SNX19: variants seen among roughly 807,000 people sequenced by gnomAD.
The protein encoded by SNX19 is sorting nexin 19.
A neutral mutation model predicts 85.2 loss-of-function variants in SNX19; 60 were observed. The ratio of observed to expected loss-of-function variants is 0.70; its 90% CI spans 0.57 to 0.87. SNX19 has a LOEUF of 0.87. Among genes scored for constraint, SNX19 ranks in the 40% least tolerant of loss-of-function variants. The pLI, the probability that SNX19 is intolerant of heterozygous loss-of-function variation, is 0.00. For missense variants in SNX19, 1,201 were observed against 1,217.8 expected (o/e 0.99, Z 0.21); for synonymous variants, 520 against 470.0 (o/e 1.11, Z -1.38).
chr11:130,915,079 C>A lies in SNX19; in HGVS notation c.861G>T (p.Val287=). Residue 287 remains valine, a synonymous_variant, in exon 1 of 11, where the codon GTG becomes GTT. Coordinates refer to ENST00000265909, the MANE Select transcript of SNX19 (RefSeq NM_014758.3). ...CPASAPEQPS[V]PTSLPLIAEV... ...CAGCAATCAGTGGCAGAGATGTCGG[C>A]ACTGAGGGCTGTTCGGGGGCACTGG... 6.2e-7 allele frequency: 1 copy of A among 1,613,952 alleles called. No individual in the cohort carries two copies. The highest frequency in any genetic ancestry group is 8.5e-7 in the Non-Finnish European group (1 of 1,179,926).
At position 130,879,154 on chromosome 11, in the gene SNX19, A is replaced by T. The variant is rs1943467869; in HGVS notation, c.2846+470T>A. Among the ~76,000 whole-genome samples, 3 of 152,240 alleles carry T rather than the reference A, an allele frequency of 2.0e-5. 1 individual carries two copies. The highest frequency in any genetic ancestry group is 4.1e-4 in the South Asian group (2 of 4,836). On this transcript the variant is annotated intron_variant, in intron 10 of 10. Coordinates refer to ENST00000265909, the MANE Select transcript of SNX19 (RefSeq NM_014758.3). ...CTTGTCTACCTGATATGAAGCAAAG[A>T]CAACTCCTGGTCTTGACATGAATCA...
At chr11:130,910,432 T>C (rs1440480945) in intron 2 of SNX19, 62 bp from the exon 3 acceptor site, 2 of 1,162,894 alleles carry the variant, frequency 1.7e-6, no homozygotes, top group African/African-American at 1.6e-5. Flanking sequence ...AGCTATTCCA[T>C]ATAAAACATA....
chr11:130,911,621 G>A lies in SNX19; in HGVS notation c.1813+12C>T. The A allele has an allele frequency of 1.9e-6, 3 of 1,613,974 alleles. No homozygotes were observed. The highest frequency in any genetic ancestry group is 2.5e-6 in the Non-Finnish European group (3 of 1,179,946). On this transcript the variant is annotated intron_variant, in intron 2 of 10. Transcript: ENST00000265909. The stretch of plus-strand genomic sequence containing the variant: ...AAGCAAGCGGGCAGTAGGGGTTGGG[G>A]AAACTCCTGACTTTTGATGAACTTT...
rs1483539480 is a variant in SNX19 at position 130,911,767 on chromosome 11, T to C, written c.1679A>G (p.Glu560Gly). The C allele has an allele frequency of 1.9e-6, 3 of 1,613,850 alleles. No individual in the cohort carries two copies. The highest frequency in any genetic ancestry group is 2.5e-6 in the Non-Finnish European group (3 of 1,179,944). ...HPYTLYTVKY[E>G]TALDGENSSG... Reference sequence around the variant, plus strand: ...GCTGTTTTCACCGTCAAGGGCTGTCTCGTACTGTTCAACGAACAAATTGAT... The same window carrying C: ...GCTGTTTTCACCGTCAAGGGCTGTCCCGTACTGTTCAACGAACAAATTGAT... Residue 560 changes from glutamate (E) to glycine (G), a missense_variant, in exon 2 of 11, where the codon GAG (glutamate) becomes GGG (glycine). This residue lies in a region of SNX19 where 791 missense variants were observed against 750.9 expected (regional missense o/e 1.05). Transcript: ENST00000265909.
chr11:130,871,658 G>A lies in SNX19; in HGVS notation c.*6764C>T, dbSNP rs909250479. Among the ~76,000 whole-genome samples, 1 of 152,112 alleles carries A rather than the reference G, an allele frequency of 6.6e-6. No homozygotes were observed. The highest frequency in any genetic ancestry group is 1.9e-4 in the East Asian group (1 of 5,190). ...GTATAAACAAGCCATTGCTTCTGTCGACATTTGAGTCCTTTTGTCTGCAAT... is the reference window on the plus strand; with the variant it reads ...GTATAAACAAGCCATTGCTTCTGTCAACATTTGAGTCCTTTTGTCTGCAAT... On this transcript the variant is annotated 3_prime_UTR_variant, in exon 11 of 11. Transcript: ENST00000265909.
At position 130,914,936 on chromosome 11, in the gene SNX19, G is replaced by A. The variant is rs1555146448; in HGVS notation, c.1004C>T (p.Ala335Val). ...CATCCCACCCAAATCTCCCTCTACA[G>A]CTTCGTGGCCTTCTTCAACCTCTGG... ...PSPEVEEGHE[A>V]VEGDLGGMCE... Residue 335 changes from alanine to valine, a missense_variant, in exon 1 of 11, where the codon GCT becomes GTT. By Grantham distance (64) the Ala-to-Val change is moderately conservative. Coordinates refer to ENST00000265909, the MANE Select transcript of SNX19 (RefSeq NM_014758.3). The A allele has an allele frequency of 1.9e-6, 3 of 1,614,134 alleles. No individual in the cohort carries two copies. The highest frequency in any genetic ancestry group is 1.1e-5 in the South Asian group (1 of 91,080).
rs1945640331 is a variant in SNX19 at position 130,906,022 on chromosome 11, T to C, written c.2374A>G (p.Lys792Glu). The change falls in exon 7 of 11, where the codon AAA (lysine) becomes GAA (glutamate). Residue 792 changes from lysine to glutamate, a missense_variant. Physicochemically the swap from Lys to Glu is moderately conservative, Grantham distance 56 (BLOSUM62 1). Transcript: ENST00000265909. ...APEKDPEQPP[K>E]GRVDSCVSDA... ...GACACGCAACTGTCCACACGTCCTT[T>C]GGGAGGTTGTTCAGGATCTTTTTCT... 3 of 1,614,086 alleles carry C rather than the reference T, an allele frequency of 1.9e-6. No individual in the cohort carries two copies. The South Asian group carries it at 3.3e-5, about 18-fold the overall frequency.
chr11:130,911,375 G>A lies in SNX19; in HGVS notation c.1813+258C>T, dbSNP rs1472782095. The A allele has an allele frequency of 2.7e-6, 3 of 1,111,724 alleles. No individual in the cohort carries two copies. In the African/African-American group the frequency reaches 4.8e-5, roughly 18 times the overall value. The allele number at this position is 1,111,724 out of a possible 1,614,324, so 68.9% of individuals were successfully genotyped here. Reference sequence around the variant, plus strand: ...CTCACACCAACTTACAGGCACAGGTGGAAATGTGAACACTTATTTTTTAAT... The same window carrying A: ...CTCACACCAACTTACAGGCACAGGTAGAAATGTGAACACTTATTTTTTAAT... On this transcript the variant is annotated intron_variant, in intron 2 of 10. Coordinates refer to ENST00000265909, the MANE Select transcript of SNX19 (RefSeq NM_014758.3).
rs1943294462 is a variant in SNX19 at position 130,877,007 on chromosome 11, T to C, written c.*1415A>G. The C allele has an allele frequency of 6.6e-6, 1 of 152,244 alleles. No individual in the cohort carries two copies. Among genetic ancestry groups the C allele is most frequent in the Admixed American group, 6.5e-5 (1 of 15,284 alleles). 9.4% of individuals were successfully genotyped at this position (152,244 alleles called of 1,614,324 possible). On this transcript the variant is annotated 3_prime_UTR_variant, in exon 11 of 11. Transcript: ENST00000265909. ...TCTTCCACAAACCACTTTAATTGTG[T>C]GCTCATCACCGACTTCAGAATCTAA...
chr11:130,910,486 A>G, intron 2 of SNX19, 116 bp from the exon 3 acceptor site: 1 of 789,038 alleles, frequency 1.3e-6, no homozygotes, highest in Non-Finnish European at 2.0e-6. Context: ...GGATTAAAAA[A>G]AACAATTTCA....
At position 130,893,692 on chromosome 11, in the gene SNX19, TAATA is replaced by T. The variant is rs373163260; in HGVS notation, c.2573+9559_2573+9562del. On this transcript the variant is annotated intron_variant, in intron 8 of 10. Coordinates refer to ENST00000265909, the MANE Select transcript of SNX19 (RefSeq NM_014758.3). ...ACTATGGGTAGAAAACACAGAGGAG[TAATA>T]AATAAAACTGGAAAAACAACAAAAA... The T allele has an allele frequency of 1.6e-3, 1,028 of 662,310 alleles. 7 individuals carry two copies. In the African/African-American group the frequency reaches 0.017, roughly 11 times the overall value. The allele number at this position is 662,310 out of a possible 1,614,324, so 41.0% of individuals were successfully genotyped here. A position where few individuals can be genotyped will look rare whatever the true frequency, so the allele number is the denominator to read the frequency against.
intron 5 of SNX19, 81 bp from the exon 6 acceptor site, chr11:130,906,802 T>A: frequency 1.0e-6 from 1 of 989,644 alleles, no homozygotes; most frequent in Non-Finnish European, 1.6e-6. Context: ...GTACTGATAA[T>A]AAAACACAAC....
intron 8 of SNX19, among the ~76,000 whole-genome samples, chr11:130,885,353 G>C (rs576329517): frequency 1.6e-4 from 24 of 152,280 alleles, no homozygotes; most frequent in African/African-American, 5.5e-4. Context: ...CCGCAGATAG[G>C]GGAATGAAGC....
intron 8 of SNX19, among the ~76,000 whole-genome samples, chr11:130,885,016 TC>T (rs1288101647): frequency 6.6e-6 from 1 of 152,202 alleles, no homozygotes; most frequent in East Asian, 1.9e-4. Flanking sequence ...GGTTTTATTT[TC>T]CACTACTATT....
At chr11:130,894,819 T>C in intron 8 of SNX19, 1 of 985,466 alleles carries the variant, frequency 1.0e-6, no homozygotes, top group Non-Finnish European at 1.2e-6. Context: ...CCAGTCTAAA[T>C]GACACCTATC....
chr11:130,881,624 G>A (rs538820517), intron 8 of SNX19, among the ~76,000 whole-genome samples: 1 of 152,246 alleles, frequency 6.6e-6, no homozygotes, highest in East Asian at 1.9e-4. Context: ...ACTGTCTTAG[G>A]GATTTCCTAC....
intron 2 of SNX19, among the ~76,000 whole-genome samples, chr11:130,910,983 T>C (rs545306840): frequency 6.6e-5 from 10 of 152,094 alleles, no homozygotes; most frequent in African/African-American, 2.4e-4. Flanking sequence ...TTGCTTGAGG[T>C]CAGGAGTTCA....
rs1004672254 is a variant in SNX19 at position 130,867,842 on chromosome 11, G to C, written c.*10580C>G. ...TTTGTATGGAAGAAACTGAGGTCCA[G>C]GGAAGTGAAGAGATCGGTCCAAGAT... On this transcript the variant is annotated 3_prime_UTR_variant, in exon 11 of 11. Coordinates refer to ENST00000265909, the MANE Select transcript of SNX19 (RefSeq NM_014758.3). 1 of 152,146 alleles carries C rather than the reference G, an allele frequency of 6.6e-6. No individual in the cohort carries two copies. Among genetic ancestry groups the C allele is most frequent in the Admixed American group, 6.5e-5 (1 of 15,270 alleles). 9.4% of individuals were successfully genotyped at this position (152,146 alleles called of 1,614,324 possible). A position where few individuals can be genotyped will look rare whatever the true frequency, so the allele number is the denominator to read the frequency against.
intron 10 of SNX19, among the ~76,000 whole-genome samples, chr11:130,879,417 T>A (rs1943490010): frequency 6.6e-6 from 1 of 151,614 alleles, no homozygotes; most frequent in African/African-American, 2.4e-5. Flanking sequence ...TCCTAGCACA[T>A]GACGACCTGC....
Sources: gnomAD v4.1 joint callset for allele counts (sites outside exome capture counted in the v4.1 genomes callset) on GRCh38, gnomAD v4.1.1 for gene constraint, gnomAD v4.1.1 regional missense constraint, MANE v1.5 for transcripts, NCBI Gene and HGNC (gene_info 2026-07-23, HGNC 2026-07-21) for gene names.